Variants in COMMD1 observed in about 807,000 individuals in gnomAD.
COMMD1 encodes the protein COMM domain-containing protein 1.
COMMD1 carries 10 observed loss-of-function variants against 17.2 expected under a neutral mutation model. The observed-to-expected ratio is 0.58, with a 90% CI of 0.36 to 0.99. The LOEUF (loss-of-function observed/expected upper bound fraction) is 0.99, where lower values mean the gene tolerates loss of function less well. Among genes scored for constraint, COMMD1 ranks in the 50% least tolerant of loss-of-function variants. The pLI is 0.01. For synonymous variants in COMMD1, 97 were observed against 91.6 expected, an observed-to-expected ratio of 1.06 and a Z score of -0.34; for missense variants, 270 against 231.8, an observed-to-expected ratio of 1.17 and a Z score of -1.07.
chr2:62,001,321 C>G (rs1311422882), intron 2 of COMMD1, among the ~76,000 whole-genome samples: 1 of 152,084 alleles, frequency 6.6e-6, no homozygotes, highest in African/African-American at 2.4e-5. Flanking sequence ...TAAATAAAGA[C>G]CAAGAATTTG....
intron 2 of COMMD1, among the ~76,000 whole-genome samples, chr2:62,098,453 G>T (rs1333280162): frequency 1.7e-5 from 1 of 60,124 alleles, no homozygotes; most frequent in East Asian, 4.2e-4. Context: ...GTCAGCTAGG[G>T]TTGATGTCAG....
intron 1 of COMMD1, among the ~76,000 whole-genome samples, chr2:61,964,245 G>A (rs1225551494): frequency 6.6e-6 from 1 of 151,976 alleles, no homozygotes; most frequent in Non-Finnish European, 1.5e-5. Context: ...TTTTGAGACA[G>A]GGTCTTGCTC....
intron 2 of COMMD1, among the ~76,000 whole-genome samples, chr2:62,053,848 A>T (rs1020149740): frequency 2.2e-4 from 34 of 152,242 alleles, no homozygotes; most frequent in Non-Finnish European, 4.3e-4. Flanking sequence ...AAACAGCCCC[A>T]AAAATAGACA....
chr2:62,001,068 T>C lies in COMMD1; in HGVS notation c.462+86T>C, dbSNP rs535135306. ...GTCTATTCAGCTTGATTTTATGCAA[T>C]AACAGCAACAGGAAAAGACACTGTT... On this transcript the variant is annotated intron_variant, in intron 2 of 2. Coordinates refer to ENST00000311832, the MANE Select transcript of COMMD1 (RefSeq NM_152516.4). The C allele has an allele frequency of 3.5e-5, 44 of 1,250,350 alleles. No individual in the cohort carries two copies. In the South Asian group the frequency reaches 3.8e-4, roughly 11 times the overall value. The allele number at this position is 1,250,350 out of a possible 1,614,324, so 77.5% of individuals were successfully genotyped here.
At chr2:61,913,594 CT>C (rs770364351) in intron 1 of COMMD1, among the ~76,000 whole-genome samples, 13 of 147,760 alleles carry the variant, frequency 8.8e-5, no homozygotes, top group Non-Finnish European at 1.5e-4. Flanking sequence ...TAAAAATTAG[CT>C]CTACTAAAAA....
rs540918747 is a variant in COMMD1, at chr2:62,081,539, C to T, written c.463-54292C>T. The stretch of plus-strand genomic sequence containing the variant: ...TGCTGGGATTACAGGTGTGAGCCAC[C>T]GTGCCTGGCCCAATCTAGATTTTTT... On this transcript the variant is annotated intron_variant, in intron 2 of 2. Transcript: ENST00000311832. 1.4e-4 allele frequency among the ~76,000 whole-genome samples: 22 copies of T among 152,224 alleles called. 1 individual carries two copies. In the South Asian group the frequency reaches 4.6e-3, roughly 32 times the overall value.
At chr2:62,032,501 A>G (rs1558570043) in intron 2 of COMMD1, among the ~76,000 whole-genome samples, 4 of 152,208 alleles carry the variant, frequency 2.6e-5, no homozygotes. Flanking sequence ...ATGCCACCGC[A>G]CTCCAGCATG....
intron 1 of COMMD1, among the ~76,000 whole-genome samples, chr2:61,935,829 T>C (rs941454635): frequency 1.3e-5 from 2 of 152,138 alleles, no homozygotes; most frequent in African/African-American, 4.8e-5. Flanking sequence ...TCGATTTTTT[T>C]TTTTTGAGAC....
intron 2 of COMMD1, among the ~76,000 whole-genome samples, chr2:62,082,633 A>G (rs1671555154): frequency 6.6e-6 from 1 of 152,206 alleles, no homozygotes; most frequent in Non-Finnish European, 1.5e-5. Flanking sequence ...AGGCCGAGGC[A>G]GGCGGATCAC....
At chr2:62,035,236 G>C (rs1670006628) in intron 2 of COMMD1, among the ~76,000 whole-genome samples, 1 of 152,132 alleles carries the variant, frequency 6.6e-6, no homozygotes, top group African/African-American at 2.4e-5. Context: ...CTCATTTAAT[G>C]GTTTCTCTAG....
chr2:62,072,104 C>T lies in COMMD1; in HGVS notation c.463-63727C>T, dbSNP rs78408674. On this transcript the variant is annotated intron_variant, in intron 2 of 2. Transcript: ENST00000311832. ...TGAAGAAAATAAAAATATTTTACTA[C>T]ACTATATATATTTATATGTATATAT... Among the ~76,000 whole-genome samples, 470 of 152,008 alleles carry T rather than the reference C, an allele frequency of 3.1e-3. 1 individual carries two copies. Among genetic ancestry groups the T allele is most frequent in the African/African-American group, 0.011 (448 of 41,434 alleles).
intron 2 of COMMD1, among the ~76,000 whole-genome samples, chr2:62,128,335 G>GAAAAAAAAAAAAAAAAAAAAAA (rs55646038): frequency 8.1e-6 from 1 of 124,136 alleles, no homozygotes; most frequent in Non-Finnish European, 1.7e-5. Flanking sequence ...CTAAAAAAAA[G>GAAAAAAAAAAAAAAAAAAAAAA]AAAAAAAAAA....
In COMMD1 at chr2:61,905,675, G is replaced by C; in HGVS notation, c.-4G>C. 6.4e-7 allele frequency: 1 copy of C among 1,552,262 alleles called. No homozygotes were observed. Among genetic ancestry groups the C allele is most frequent in the East Asian group, 2.4e-5 (1 of 42,318 alleles). On this transcript the variant is annotated 5_prime_UTR_variant, in exon 1 of 3. Transcript: ENST00000311832. ...GCTGTTGCGGGGCGGGGCCTTCGCAGAGCATGGCGGCGGGCGAGCTTGAGG... is the reference window on the plus strand; with the variant it reads ...GCTGTTGCGGGGCGGGGCCTTCGCACAGCATGGCGGCGGGCGAGCTTGAGG...
intron 2 of COMMD1, among the ~76,000 whole-genome samples, chr2:62,004,856 CT>C (rs1218195234): frequency 2.0e-5 from 3 of 152,154 alleles, no homozygotes; most frequent in Non-Finnish European, 4.4e-5. Context: ...TTTCACACTG[CT>C]GACATTGGAT....
chr2:61,999,419 A>C (rs1431223224), intron 1 of COMMD1, among the ~76,000 whole-genome samples: 2 of 152,212 alleles, frequency 1.3e-5, no homozygotes, highest in Non-Finnish European at 2.9e-5. Context: ...TGTTTGGCTG[A>C]AGATGGGCTT....
intron 1 of COMMD1, among the ~76,000 whole-genome samples, chr2:61,981,748 A>T (rs527261392): frequency 1.3e-5 from 2 of 152,260 alleles, no homozygotes; most frequent in African/African-American, 4.8e-5. Context: ...ATCTTATGAG[A>T]TGTATTCACT....
intron 2 of COMMD1, among the ~76,000 whole-genome samples, chr2:62,012,613 C>T (rs1241134827): frequency 2.0e-5 from 3 of 152,116 alleles, no homozygotes; most frequent in African/African-American, 2.4e-5. Context: ...CCACCGCACC[C>T]GGCCCCTTTG....
intron 2 of COMMD1, among the ~76,000 whole-genome samples, chr2:62,108,912 T>G (rs1031814143): frequency 6.6e-6 from 1 of 152,192 alleles, no homozygotes; most frequent in Non-Finnish European, 1.5e-5. Context: ...GGGCCCACTT[T>G]TCTATAAATA....
chr2:62,014,027 A>G (rs1230805685), intron 2 of COMMD1, among the ~76,000 whole-genome samples: 2 of 152,234 alleles, frequency 1.3e-5, no homozygotes, highest in Non-Finnish European at 2.9e-5. Flanking sequence ...ATTGTTTCTT[A>G]TGATGTGCCC....
Sources: gnomAD v4.1 joint callset for allele counts (sites outside exome capture counted in the v4.1 genomes callset) on GRCh38, gnomAD v4.1.1 for gene constraint, MANE v1.5 for transcripts, NCBI Gene and HGNC (gene_info 2026-07-23, HGNC 2026-07-21) for gene names.